The following USP12 variants were observed in gnomAD, a reference collection of about 807,000 sequenced individuals.
The protein encoded by USP12 is ubiquitin specific peptidase 12.
In USP12, 19 loss-of-function variants were observed where a neutral mutation model predicts 45.5. That is an observed-to-expected ratio of 0.42 (90% confidence interval 0.29 to 0.61). The LOEUF (loss-of-function observed/expected upper bound fraction) is 0.61. Ranked by LOEUF, USP12 falls within the 20% of genes least tolerant of loss-of-function variation. The probability of loss-of-function intolerance (pLI) is 0.22; values close to 1 mark genes in which losing one functional copy is unlikely to be tolerated. For missense variants in USP12, 242 were observed against 447.7 expected (o/e 0.54, Z 4.15); for synonymous variants, 149 against 148.8 (o/e 1.00, Z -0.01).
chr13:27,067,504 T>C lies in USP12; in HGVS notation c.*1779A>G, dbSNP rs1293782066. Reference sequence around the variant, plus strand: ...CTTAAAAAGAAACTTGTCAAAATACTTTTTGATATTTTGTACAAATACTAA... The same window carrying C: ...CTTAAAAAGAAACTTGTCAAAATACCTTTTGATATTTTGTACAAATACTAA... On this transcript the variant is annotated 3_prime_UTR_variant, in exon 9 of 9. Transcript: ENST00000282344. The C allele has an allele frequency of 6.6e-6, 1 of 152,176 alleles. No homozygotes were observed. Among genetic ancestry groups the C allele is most frequent in the East Asian group, 1.9e-4 (1 of 5,206 alleles). 9.4% of individuals were successfully genotyped at this position (152,176 alleles called of 1,614,324 possible). A position where few individuals can be genotyped will look rare whatever the true frequency, so the allele number is the denominator to read the frequency against.
intron 1 of USP12, among the ~76,000 whole-genome samples, chr13:27,135,363 A>G (rs1447387389): frequency 6.6e-6 from 1 of 152,254 alleles, no homozygotes; most frequent in African/African-American, 2.4e-5. Flanking sequence ...TTTTTTAAGT[A>G]AACTTTTAAT....
intron 4 of USP12, among the ~76,000 whole-genome samples, chr13:27,094,231 C>T (rs1165628126): frequency 2.7e-5 from 4 of 150,882 alleles, no homozygotes; most frequent in East Asian, 1.9e-4. Context: ...TGGCCCAGCA[C>T]GGTGGATCAT....
intron 1 of USP12, among the ~76,000 whole-genome samples, chr13:27,168,012 G>A (rs1276123579): frequency 2.0e-5 from 3 of 152,188 alleles, no homozygotes; most frequent in African/African-American, 7.2e-5. Context: ...AGAAAAGACA[G>A]CCAGTTTCAC....
At chr13:27,145,974 CACA>C (rs1391749918) in intron 1 of USP12, among the ~76,000 whole-genome samples, 1 of 152,168 alleles carries the variant, frequency 6.6e-6, no homozygotes, top group Admixed American at 6.5e-5. Context: ...AGGGCACACT[CACA>C]ACAATACCAG....
At chr13:27,152,322 T>C (rs966946501) in intron 1 of USP12, among the ~76,000 whole-genome samples, 3 of 152,198 alleles carry the variant, frequency 2.0e-5, no homozygotes, top group African/African-American at 4.8e-5. Context: ...TACTGATACA[T>C]GTTACAACAT....
intron 1 of USP12, among the ~76,000 whole-genome samples, chr13:27,142,556 C>G (rs1432526163): frequency 1.3e-5 from 2 of 152,160 alleles, no homozygotes; most frequent in African/African-American, 2.4e-5. Context: ...ATACATTTGT[C>G]AAGCAACTTT....
chr13:27,171,795 G>T lies in USP12; in HGVS notation c.-156C>A. 2 of 244,854 alleles carry T rather than the reference G, an allele frequency of 8.2e-6. No individual in the cohort carries two copies. The highest frequency in any genetic ancestry group is 1.3e-5 in the Non-Finnish European group (2 of 153,930). 15.2% of individuals were successfully genotyped at this position (244,854 alleles called of 1,614,324 possible). ...CTGGGCCGCCGCTGCCGTCGTCGCC[G>T]CCGGCGCTCAGGCACTCCCGGCCTC... On this transcript the variant is annotated 5_prime_UTR_variant, in exon 1 of 9. Coordinates refer to ENST00000282344, the MANE Select transcript of USP12 (RefSeq NM_182488.4).
At chr13:27,142,782 A>G (rs1593205439) in intron 1 of USP12, among the ~76,000 whole-genome samples, 1 of 152,184 alleles carries the variant, frequency 6.6e-6, no homozygotes, top group African/African-American at 2.4e-5. Context: ...ATAAATAAAA[A>G]TCTATCGTGA....
intron 1 of USP12, among the ~76,000 whole-genome samples, chr13:27,119,206 A>C (rs1875874219): frequency 6.6e-6 from 1 of 152,202 alleles, no homozygotes; most frequent in Non-Finnish European, 1.5e-5. Context: ...AAGCTAAGAA[A>C]TGACAAGAGA....
rs1278753389 is a variant in USP12 at position 27,129,503 on chromosome 13, T to C, written c.49-12907A>G. On this transcript the variant is annotated intron_variant, in intron 1 of 8. Coordinates refer to ENST00000282344, the MANE Select transcript of USP12 (RefSeq NM_182488.4). This position sits in a 1 kb window ranked among gnomAD's most constrained non-coding sequence, Gnocchi z 4.0. The stretch of plus-strand genomic sequence containing the variant: ...CTTTGGGAAGTCAGAGCAGGAGGAC[T>C]GCTTAAGGCCCGGAGTTCTAGAGAA... Among the ~76,000 whole-genome samples the C allele has an allele frequency of 6.6e-6, 1 of 152,166 alleles. No homozygotes were observed. Among genetic ancestry groups the C allele is most frequent in the Non-Finnish European group, 1.5e-5 (1 of 68,024 alleles).
At chr13:27,088,509 GC>G (rs1209448609) in intron 6 of USP12, among the ~76,000 whole-genome samples, 2 of 151,004 alleles carry the variant, frequency 1.3e-5, no homozygotes, top group African/African-American at 4.9e-5. Flanking sequence ...CCCACCATTT[GC>G]CAAATAATAA....
chr13:27,090,841 A>G (rs494649), intron 4 of USP12, among the ~76,000 whole-genome samples: 135,926 of 152,242 alleles, frequency 0.89, 61,167 homozygotes, highest in South Asian at 0.96. Context: ...AATACATCAA[A>G]ATTATTATTA....
intron 8 of USP12, among the ~76,000 whole-genome samples, chr13:27,070,116 A>G (rs982224254): frequency 2.2e-4 from 33 of 152,274 alleles, no homozygotes; most frequent in Admixed American, 7.2e-4. Context: ...GTAGAAAATG[A>G]CAAAGCAGTG....
intron 4 of USP12, among the ~76,000 whole-genome samples, chr13:27,091,243 C>A (rs996130270): frequency 2.0e-5 from 3 of 152,172 alleles, no homozygotes; most frequent in African/African-American, 7.2e-5. Flanking sequence ...GATAGTATGG[C>A]AGAGGTAGGC....
chr13:27,110,428 C>A (rs372237566), intron 2 of USP12, among the ~76,000 whole-genome samples: 4 of 152,228 alleles, frequency 2.6e-5, no homozygotes, highest in East Asian at 3.9e-4. Flanking sequence ...GAATATGTTT[C>A]TTTTTTTCCA....
intron 3 of USP12, among the ~76,000 whole-genome samples, chr13:27,101,187 T>G (rs1036959541): frequency 1.4e-4 from 22 of 152,210 alleles, no homozygotes; most frequent in Admixed American, 1.3e-4. Flanking sequence ...TTATTTGTAG[T>G]CCATTTTCCT....
In USP12 at chr13:27,114,525, G is replaced by C. The variant is rs1054955008; in HGVS notation, c.129+1991C>G. 3.3e-5 allele frequency among the ~76,000 whole-genome samples: 5 copies of C among 152,222 alleles called. No homozygotes were observed. In the East Asian group the frequency reaches 9.6e-4, roughly 29 times the overall value. On this transcript the variant is annotated intron_variant, in intron 2 of 8. Coordinates refer to ENST00000282344, the MANE Select transcript of USP12 (RefSeq NM_182488.4). ...TCTACTTCCAATAATATCAGGAATA[G>C]CATTGTATCTACAGGAGATAAGCTG...
At chr13:27,152,475 G>A (rs1054175812) in intron 1 of USP12, among the ~76,000 whole-genome samples, 3 of 152,052 alleles carry the variant, frequency 2.0e-5, no homozygotes, top group African/African-American at 2.4e-5. Flanking sequence ...GGAAGGGGGA[G>A]GGAAAGGAAA....
chr13:27,158,407 T>C (rs577537863), intron 1 of USP12, among the ~76,000 whole-genome samples: 1 of 152,300 alleles, frequency 6.6e-6, no homozygotes, highest in African/African-American at 2.4e-5. Flanking sequence ...GGACGATAAA[T>C]TTCTGTTACA....
Sources: allele counts gnomAD v4.1 joint callset (sites outside exome capture counted in the v4.1 genomes callset), GRCh38; gene constraint gnomAD v4.1.1; non-coding constraint Gnocchi (gnomAD v3.1); transcripts MANE v1.5; gene names NCBI Gene and HGNC (gene_info 2026-07-23, HGNC 2026-07-21).